AGAP2: variants seen among roughly 807,000 people sequenced by gnomAD.
AGAP2 encodes arf-GAP with GTPase, ANK repeat and PH domain-containing protein 2.
Under a neutral mutation model 110.9 loss-of-function variants are expected in AGAP2, and 32 were observed. The ratio of observed to expected loss-of-function variants is 0.29; its 90% confidence interval spans 0.22 to 0.39. The LOEUF (loss-of-function observed/expected upper bound fraction) is 0.39, where lower values mean the gene tolerates loss of function less well. Ranked by LOEUF, AGAP2 falls within the 10% of genes least tolerant of loss-of-function variation. The pLI is 1.00. For missense variants in AGAP2, 1,285 were observed against 1,638.5 expected, an observed-to-expected ratio of 0.78 and a Z score of 3.72; for synonymous variants, 702 against 713.0, an observed-to-expected ratio of 0.98 and a Z score of 0.25.
chr12:57,733,171 C>T (rs1954919119), intron 5 of AGAP2, among the ~76,000 whole-genome samples, 192 bp from the exon 6 acceptor site: 1 of 151,724 alleles, frequency 6.6e-6, no homozygotes, highest in Non-Finnish European at 1.5e-5. Context: ...AGTTCACACA[C>T]CTAGCTGGGT....
Position 57,732,989 on chromosome 12 carries a change from C to A in AGAP2, c.1550-10G>T. On this transcript the variant is annotated splice_polypyrimidine_tract_variant and intron_variant, in intron 5 of 18. Coordinates refer to ENST00000547588, the MANE Select transcript of AGAP2 (RefSeq NM_001122772.3). Reference sequence around the variant, plus strand: ...GAAGCACTGATCCTGTCTGAGGGGACAGGAAAGGGGCAGGATTGAACAAGG... The same window carrying A: ...GAAGCACTGATCCTGTCTGAGGGGAAAGGAAAGGGGCAGGATTGAACAAGG... The A allele has an allele frequency of 6.2e-7, 1 of 1,613,826 alleles. No individual in the cohort carries two copies. Among genetic ancestry groups the A allele is most frequent in the Non-Finnish European group, 8.5e-7 (1 of 1,180,004 alleles).
chr12:57,731,675 G>A, intron 8 of AGAP2, 33 bp from the exon 9 acceptor site: 3 of 1,613,072 alleles, frequency 1.9e-6, no homozygotes, highest in Non-Finnish European at 2.5e-6. Flanking sequence ...TTTGAGGATG[G>A]ATAGAGGGAT....
Position 57,732,872 on chromosome 12 carries a change from G to A in AGAP2, c.1657C>T (p.Leu553Phe), listed in dbSNP as rs748978183. 1 of 1,614,018 alleles carries A rather than the reference G, an allele frequency of 6.2e-7. No homozygotes were observed. ...SYYETCATYGLNVDRVFQEVA... is the reference protein window; with the variant it reads ...SYYETCATYGFNVDRVFQEVA... ...TCCTGGAAGACCCGATCCACATTGA[G>A]CCCATAGGTTGCACAAGTCTCATAG... The change falls in exon 6 of 19, where the codon CTC becomes TTC. Residue 553 changes from leucine (L) to phenylalanine (F), a missense_variant. Coordinates refer to ENST00000547588, the MANE Select transcript of AGAP2 (RefSeq NM_001122772.3).
In AGAP2 at chr12:57,725,342, A is replaced by AG. The variant is rs2140349156; in HGVS notation, c.*1209_*1210insC. On this transcript the variant is annotated 3_prime_UTR_variant, in exon 19 of 19. Transcript: ENST00000547588. ...TTTGCAAACTATTTTAGCCAGAAAA[A>AG]AAAAAAAAAAAAAAGACCGGAAACC... is the stretch of plus-strand genomic sequence containing the variant. The AG allele has an allele frequency of 6.6e-6, 1 of 150,720 alleles. No homozygotes were observed. Among genetic ancestry groups the AG allele is most frequent in the South Asian group, 2.1e-4 (1 of 4,730 alleles). The allele number at this position is 150,720 out of a possible 1,614,324, so 9.3% of individuals were successfully genotyped here. A position where few individuals can be genotyped will look rare whatever the true frequency, so the allele number is the denominator to read the frequency against.
intron 6 of AGAP2, 111 bp downstream of exon 6, chr12:57,732,734 A>G (rs1954910058): frequency 1.3e-6 from 2 of 1,536,566 alleles, no homozygotes; most frequent in South Asian, 2.4e-5. Flanking sequence ...TCCCTCCCAC[A>G]AAGGCTAATT....
chr12:57,737,513 C>A lies in AGAP2; in HGVS notation c.734G>T (p.Gly245Val), dbSNP rs546380936. The A allele has an allele frequency of 1.3e-6, 2 of 1,584,562 alleles. No homozygotes were observed. Among genetic ancestry groups the A allele is most frequent in the Non-Finnish European group, 1.7e-6 (2 of 1,165,494 alleles). ...AGAGGTCGAAGCTGTAGAGCCCCCT[C>A]CCCCGGCGGCGGCGGCGGTGGCGGC... Reference protein sequence around the residue: ...SAAATAAAAGGGGSTASTSGG... With the variant: ...SAAATAAAAGVGGSTASTSGG... The change falls in exon 1 of 19, where the codon GGA (glycine) becomes GTA (valine). Residue 245 changes from glycine to valine, a missense_variant. Gly to Val is a moderately radical substitution (Grantham distance 109). Around this residue, in one of 7 missense-constraint regions of AGAP2, gnomAD observed 844 missense variants for 941.2 expected, o/e 0.90. Transcript: ENST00000547588. This position sits in a 1 kb window ranked among gnomAD's most constrained non-coding sequence, Gnocchi z 5.9.
intron 13 of AGAP2, among the ~76,000 whole-genome samples, chr12:57,728,964 A>G (rs1170569551): frequency 1.3e-5 from 2 of 152,100 alleles, no homozygotes; most frequent in African/African-American, 2.4e-5. Context: ...TCACGAGGTC[A>G]GGAGATCAAG....
In AGAP2 at chr12:57,737,408, T is replaced by C. The variant is rs752270608; in HGVS notation, c.839A>G (p.Asp280Gly). ...KGKSKTLDNS[D>G]LHPGPPAGSP... The stretch of plus-strand genomic sequence containing the variant: ...GCCGGCAGGCGGTCCCGGATGCAAG[T>C]CACTGTTGTCCAAGGTCTTACTCTT... The change falls in exon 1 of 19, where the codon GAC (aspartate) becomes GGC (glycine). Residue 280 changes from aspartate (D) to glycine (G), a missense_variant. Around this residue, in one of 7 missense-constraint regions of AGAP2, gnomAD observed 844 missense variants for 941.2 expected, o/e 0.90. Transcript: ENST00000547588. The surrounding 1 kb of genome is among the most constrained non-coding windows in gnomAD (Gnocchi z 5.9). 3.1e-6 allele frequency: 5 copies of C among 1,613,710 alleles called. No individual in the cohort carries two copies. The highest frequency in any genetic ancestry group is 2.7e-5 in the African/African-American group (2 of 74,996).
chr12:57,737,557 A>G lies in AGAP2; in HGVS notation c.690T>C (p.Thr230=), dbSNP rs1342134197. The change falls in exon 1 of 19, where the codon ACT becomes ACC. Residue 230 remains threonine (T), a synonymous_variant. Transcript: ENST00000547588. This position sits in a 1 kb window ranked among gnomAD's most constrained non-coding sequence, Gnocchi z 5.9. ...TGGCGGCGGCAGAGACCGAAGCTCC[A>G]GTCCCGGCGCTGCTCTTTGACCCCT... is the stretch of plus-strand genomic sequence containing the variant. ...RVKGSKSSAG[T]GASVSAAATA... The G allele has an allele frequency of 1.3e-6, 2 of 1,551,302 alleles. No individual in the cohort carries two copies. The highest frequency in any genetic ancestry group is 2.7e-5 in the African/African-American group (2 of 73,136).
rs1301807369 is a variant in AGAP2, at chr12:57,737,954, G to A, written c.293C>T (p.Ala98Val). The A allele has an allele frequency of 7.1e-7, 1 of 1,403,332 alleles. No homozygotes were observed. Among genetic ancestry groups the A allele is most frequent in the Middle Eastern group, 2.3e-4 (1 of 4,412 alleles). 86.9% of individuals were successfully genotyped at this position (1,403,332 alleles called of 1,614,324 possible). A position where few individuals can be genotyped will look rare whatever the true frequency, so the allele number is the denominator to read the frequency against. ...GGGGGAGACTGGGCGGGCCGGACTG[G>A]CCGGAGCCGGGGACAGGGCTGGGGG... ...AEPPALSPAP[A>V]SPARPVSPAP... is the part of the protein sequence containing the mutation. The change falls in exon 1 of 19, where the codon GCC becomes GTC. Residue 98 changes from alanine (A) to valine (V), a missense_variant. Around this residue, in one of 7 missense-constraint regions of AGAP2, gnomAD observed 844 missense variants for 941.2 expected, o/e 0.90. Transcript: ENST00000547588. The surrounding 1 kb of genome is among the most constrained non-coding windows in gnomAD (Gnocchi z 5.9).
At chr12:57,731,084 C>T in intron 10 of AGAP2, 131 bp from the exon 11 acceptor site, 1 of 1,002,082 alleles carries the variant, frequency 1.0e-6, no homozygotes, top group Non-Finnish European at 1.4e-6. Context: ...TGATGAACAT[C>T]TAGGGGATGG....
chr12:57,728,326 T>C lies in AGAP2; in HGVS notation c.2609A>G (p.Tyr870Cys), dbSNP rs1954814520. Residue 870 changes from tyrosine to cysteine, a missense_variant, in exon 14 of 19, where the codon TAT (tyrosine) becomes TGT (cysteine). By Grantham distance (194) the Tyr-to-Cys change is radical. Transcript: ENST00000547588. ...LKSFGSLRNI[Y>C]KAEENFEFLI... ...GGCTCCCCACTTGTTACCTGCTTTA[T>C]AAATATTTCTTAAACTACCAAAGGA... 6.2e-7 allele frequency: 1 copy of C among 1,613,966 alleles called. No individual in the cohort carries two copies. The highest frequency in any genetic ancestry group is 8.5e-7 in the Non-Finnish European group (1 of 1,179,884).
In AGAP2 at chr12:57,727,123, G is replaced by C. The variant is rs1555197772; in HGVS notation, c.3187C>G (p.Gln1063Glu). 3 of 1,598,510 alleles carry C rather than the reference G, an allele frequency of 1.9e-6. No individual in the cohort carries two copies. The highest frequency in any genetic ancestry group is 2.6e-6 in the Non-Finnish European group (3 of 1,173,870). Residue 1063 changes from glutamine to glutamate, a missense_variant, in exon 18 of 19, where the codon CAG becomes GAG. By Grantham distance (29) the Gln-to-Glu change is conservative (BLOSUM62 2). Coordinates refer to ENST00000547588, the MANE Select transcript of AGAP2 (RefSeq NM_001122772.3). ...PLGRQLWAAV[Q>E]AQDVATVLLL... Reference sequence around the variant, plus strand: ...AGAACGGTAGCCACGTCCTGGGCCTGCACGGCGGCCCACAGCTGGCGGCCC... The same window carrying C: ...AGAACGGTAGCCACGTCCTGGGCCTCCACGGCGGCCCACAGCTGGCGGCCC...
chr12:57,735,269 AAGAG>A (rs796791021), intron 2 of AGAP2, 96 bp downstream of exon 2: 355 of 1,091,744 alleles, frequency 3.3e-4, no homozygotes, highest in Middle Eastern at 4.3e-4. Flanking sequence ...CCTATTCCCA[AAGAG>A]AGAGAGAGAG....
At chr12:57,735,235 C>A in intron 2 of AGAP2, 134 bp downstream of exon 2, 1 of 857,080 alleles carries the variant, frequency 1.2e-6, no homozygotes. Flanking sequence ...AAGGCAGACT[C>A]TCAGGAGAAC....
At chr12:57,732,610 C>A (rs1954907857) in intron 6 of AGAP2, 98 bp from the exon 7 acceptor site, 1 of 1,320,884 alleles carries the variant, frequency 7.6e-7, no homozygotes, top group Admixed American at 2.1e-5. Context: ...CAACACAGGA[C>A]CCAACTTCCT....
chr12:57,730,284 A>G, intron 12 of AGAP2: 1 of 705,640 alleles, frequency 1.4e-6, no homozygotes, highest in Non-Finnish European at 2.3e-6. Flanking sequence ...CCATGTGGCA[A>G]GCCAGGATTC....
In AGAP2 at chr12:57,737,713, G is replaced by A; in HGVS notation, c.534C>T (p.Leu178=). 6.5e-7 allele frequency: 1 copy of A among 1,548,812 alleles called. No homozygotes were observed. The highest frequency in any genetic ancestry group is 8.7e-7 in the Non-Finnish European group (1 of 1,150,750). Residue 178 remains leucine (L), a synonymous_variant, in exon 1 of 19, where the codon CTC becomes CTT. Transcript: ENST00000547588. The surrounding 1 kb of genome is among the most constrained non-coding windows in gnomAD (Gnocchi z 5.9). ...GAGCCGGCGGAGGAGGCGCCACCTT[G>A]AGCCTCCGGCTGCCGGTGCCAGGGT... ...SPHPGTGSRR[L]KVAPPPPAPK...
chr12:57,737,301 C>A lies in AGAP2; in HGVS notation c.946G>T (p.Ala316Ser), dbSNP rs1234900382. 3.7e-6 allele frequency: 6 copies of A among 1,613,546 alleles called. No individual in the cohort carries two copies. In the South Asian group the frequency reaches 6.6e-5, roughly 18 times the overall value. The change falls in exon 1 of 19, where the codon GCA (alanine) becomes TCA (serine). Residue 316 changes from alanine (A) to serine (S), a missense_variant. Physicochemically the swap from Ala to Ser is moderately conservative, Grantham distance 99. Transcript: ENST00000547588. The surrounding 1 kb of genome is among the most constrained non-coding windows in gnomAD (Gnocchi z 5.9). The stretch of plus-strand genomic sequence containing the variant: ...GGAGGCTCCAGAGTGATTGGAGGTG[C>A]AGGCCCGGGGGGCTGCGCGGAAGCA... The part of the protein sequence containing the change: ...TAASAQPPGP[A>S]PPITLEPPAP...
Sources: gnomAD v4.1 joint callset for allele counts (sites outside exome capture counted in the v4.1 genomes callset) on GRCh38, gnomAD v4.1.1 for gene constraint, gnomAD v4.1.1 regional missense constraint, Gnocchi (gnomAD v3.1) non-coding constraint, MANE v1.5 for transcripts, NCBI Gene and HGNC (gene_info 2026-07-23, HGNC 2026-07-21) for gene names.